The following REXO2 variants were observed in gnomAD, a reference collection of about 807,000 sequenced individuals.
REXO2 encodes the protein RNA exonuclease 2, also known as oligoribonuclease, mitochondrial.
In REXO2, 17 loss-of-function variants were observed where a neutral mutation model predicts 30.9. The observed-to-expected ratio is 0.55, with a 90% CI of 0.38 to 0.82. The LOEUF is 0.82. Ranked by LOEUF, REXO2 falls within the 40% of genes least tolerant of loss-of-function variation. REXO2 has a pLI of 0.00. For missense variants in REXO2, 253 were observed against 293.2 expected, an observed-to-expected ratio of 0.86 and a Z score of 1.00; for synonymous variants, 105 against 99.6, an observed-to-expected ratio of 1.05 and a Z score of -0.32.
intron 5 of REXO2, 132 bp from the exon 6 acceptor site, chr11:114,447,694 C>A: frequency 3.1e-6 from 2 of 640,418 alleles, no homozygotes; most frequent in Non-Finnish European, 5.3e-6. Flanking sequence ...AAGATAGAGG[C>A]CCCGGCAAAG....
At chr11:114,444,400 T>C in intron 3 of REXO2, 141 bp from the exon 4 acceptor site, 1 of 677,830 alleles carries the variant, frequency 1.5e-6, no homozygotes, top group Non-Finnish European at 2.6e-6. Flanking sequence ...AGATGGCAGT[T>C]GCAATTTGAA....
At position 114,443,880 on chromosome 11, in the gene REXO2, C is replaced by A; in HGVS notation, c.256C>A (p.Pro86Thr). 4 of 1,609,010 alleles carry A rather than the reference C, an allele frequency of 2.5e-6. No individual in the cohort carries two copies. The highest frequency in any genetic ancestry group is 3.4e-6 in the Non-Finnish European group (4 of 1,177,668). ...GGGTCCTAACCTGATTATAAAACAA[C>A]CAGATGAGTTGCTGGACAGCATGTC... ...AEGPNLIIKQ[P>T]DELLDSMSDW... Residue 86 changes from proline (P) to threonine (T), a missense_variant, in exon 3 of 7, where the codon CCA (proline) becomes ACA (threonine). Pro to Thr is a conservative substitution (Grantham distance 38, BLOSUM62 -1). Transcript: ENST00000265881.
At chr11:114,442,717 T>G (rs1946487014) in intron 2 of REXO2, among the ~76,000 whole-genome samples, 1 of 152,300 alleles carries the variant, frequency 6.6e-6, no homozygotes, top group Non-Finnish European at 1.5e-5. Context: ...TTTATTATTA[T>G]CACTATCTTA....
chr11:114,441,722 CTTTTG>C, intron 2 of REXO2: 1 of 702,150 alleles, frequency 1.4e-6, no homozygotes, highest in Non-Finnish European at 2.6e-6. Context: ...GCAGTTAACA[CTTTTG>C]TTTGTTTTGC....
At chr11:114,449,791 G>T in intron 6 of REXO2, 55 bp from the exon 7 acceptor site, 7 of 1,533,622 alleles carry the variant, frequency 4.6e-6, no homozygotes, top group Non-Finnish European at 4.4e-6. Context: ...CTTTTAAAAT[G>T]ATTTTCATCT....
At position 114,444,530 on chromosome 11, in the gene REXO2, C is replaced by G. The variant is rs960082378; in HGVS notation, c.310-11C>G. ...TGTTTTTGGTGGGGGGCTGGGGATT[C>G]TCTCTTGCAGTCTGGCCTTACCAAG... is the stretch of plus-strand genomic sequence containing the variant. On this transcript the variant is annotated splice_polypyrimidine_tract_variant and intron_variant, in intron 3 of 6. Transcript: ENST00000265881. The G allele has an allele frequency of 1.4e-5, 22 of 1,588,878 alleles. No homozygotes were observed. Among genetic ancestry groups the G allele is most frequent in the Non-Finnish European group, 1.8e-5 (21 of 1,162,796 alleles).
At chr11:114,447,222 G>A (rs1413380858) in intron 5 of REXO2, among the ~76,000 whole-genome samples, 7 of 152,106 alleles carry the variant, frequency 4.6e-5, no homozygotes, top group Admixed American at 3.9e-4. Flanking sequence ...CACCGCGCCC[G>A]GCCTGAAAGG....
intron 5 of REXO2, 99 bp from the exon 6 acceptor site, chr11:114,447,727 C>G: frequency 1.0e-6 from 1 of 976,812 alleles, no homozygotes; most frequent in Admixed American, 2.5e-5. Context: ...AATCATGACT[C>G]AAATGCCATT....
At chr11:114,444,128 C>T in intron 3 of REXO2, 195 bp downstream of exon 3, 3 of 661,716 alleles carry the variant, frequency 4.5e-6, no homozygotes, top group Non-Finnish European at 2.8e-6. Flanking sequence ...TCCTGAATGT[C>T]CTCTTTTTTT....
In REXO2 at chr11:114,439,501, C is replaced by T; in HGVS notation, c.-28C>T. The stretch of plus-strand genomic sequence containing the variant: ...GCCTGCGCCAGCGCCGGCTGCGAGA[C>T]TGGGGCCGTGGCTGCTGGTCCCGGG... On this transcript the variant is annotated 5_prime_UTR_variant, in exon 1 of 7. Transcript: ENST00000265881. The T allele has an allele frequency of 6.2e-7, 1 of 1,600,300 alleles. No homozygotes were observed. Among genetic ancestry groups the T allele is most frequent in the Non-Finnish European group, 8.5e-7 (1 of 1,178,308 alleles).
intron 6 of REXO2, 109 bp from the exon 7 acceptor site, chr11:114,449,737 T>TA (rs536945285): frequency 9.5e-7 from 1 of 1,053,408 alleles, no homozygotes. Flanking sequence ...CAGTGACACT[T>TA]ACAGTAACAT....
intron 6 of REXO2, among the ~76,000 whole-genome samples, chr11:114,448,473 C>T (rs1016163792): frequency 1.3e-5 from 2 of 152,150 alleles, no homozygotes; most frequent in Non-Finnish European, 2.9e-5. Flanking sequence ...CTATGATGTA[C>T]CTTGCACAGT....
Position 114,450,107 on chromosome 11 carries a change from C to A in REXO2, c.*132C>A. On this transcript the variant is annotated 3_prime_UTR_variant, in exon 7 of 7. Transcript: ENST00000265881. The stretch of plus-strand genomic sequence containing the variant: ...CCAGATTGATTACTCAAGCAGACAG[C>A]ACACGAAATACTATTTTTCTCCTAA... 1.2e-6 allele frequency: 1 copy of A among 844,048 alleles called. No individual in the cohort carries two copies. Among genetic ancestry groups the A allele is most frequent in the Non-Finnish European group, 1.8e-6 (1 of 554,140 alleles). The allele number at this position is 844,048 out of a possible 1,614,324, so 52.3% of individuals were successfully genotyped here. A position where few individuals can be genotyped will look rare whatever the true frequency, so the allele number is the denominator to read the frequency against.
chr11:114,450,249 G>A lies in REXO2; in HGVS notation c.*274G>A, dbSNP rs11556153. The A allele has an allele frequency of 3.5e-5, 7 of 197,432 alleles. No individual in the cohort carries two copies. The highest frequency in any genetic ancestry group is 6.3e-5 in the Admixed American group (1 of 15,914). 12.2% of individuals were successfully genotyped at this position (197,432 alleles called of 1,614,324 possible). ...TTCTTTTGTTTAAATAAATAAATAA[G>A]TAAATAAAGCTAGTTCTATTGAAAT... On this transcript the variant is annotated 3_prime_UTR_variant, in exon 7 of 7. Transcript: ENST00000265881.
chr11:114,446,542 G>A (rs1946510770), intron 5 of REXO2, among the ~76,000 whole-genome samples: 1 of 152,202 alleles, frequency 6.6e-6, no homozygotes, highest in Admixed American at 6.5e-5. Flanking sequence ...GGAGCAAGAG[G>A]AATGGGGAGT....
At chr11:114,441,438 A>G (rs1000622071) in intron 2 of REXO2, among the ~76,000 whole-genome samples, 1 of 152,350 alleles carries the variant, frequency 6.6e-6, no homozygotes, top group South Asian at 2.1e-4. Flanking sequence ...AGGTTTTTGC[A>G]TGCTACTTCC....
chr11:114,442,443 T>C (rs1295450838), intron 2 of REXO2, among the ~76,000 whole-genome samples: 2 of 152,160 alleles, frequency 1.3e-5, no homozygotes, highest in East Asian at 3.8e-4. Context: ...AAACATCTGT[T>C]ATCCAAGCAA....
At chr11:114,439,854 G>T (rs1946463192) in intron 1 of REXO2, 179 bp downstream of exon 1, 2 of 683,914 alleles carry the variant, frequency 2.9e-6, no homozygotes, top group Non-Finnish European at 4.7e-6. Context: ...GGTGTTGGGC[G>T]CCGTGCTGCG....
chr11:114,444,410 A>G, intron 3 of REXO2, 131 bp from the exon 4 acceptor site: 1 of 694,810 alleles, frequency 1.4e-6, no homozygotes, highest in Non-Finnish European at 2.5e-6. Flanking sequence ...TGCAATTTGA[A>G]CTTGAGCTCT....
Sources: gnomAD v4.1 joint callset for allele counts (sites outside exome capture counted in the v4.1 genomes callset) on GRCh38, gnomAD v4.1.1 for gene constraint, MANE v1.5 for transcripts, NCBI Gene and HGNC (gene_info 2026-07-23, HGNC 2026-07-21) for gene names.